SRGAP3: variants seen among roughly 807,000 people sequenced by gnomAD.
SRGAP3 encodes SLIT-ROBO Rho GTPase-activating protein 3.
Under a neutral mutation model 121.1 loss-of-function variants are expected in SRGAP3, and 39 were observed. The ratio of observed to expected loss-of-function variants is 0.32; its 90% confidence interval spans 0.25 to 0.42. SRGAP3 has a LOEUF of 0.42. Among genes scored for constraint, SRGAP3 ranks in the 10% least tolerant of loss-of-function variants. SRGAP3 has a pLI of 1.00. For missense variants in SRGAP3, 1,213 were observed against 1,470.6 expected (o/e 0.82, Z 2.86); for synonymous variants, 601 against 570.0 (o/e 1.05, Z -0.77).
intron 1 of SRGAP3, among the ~76,000 whole-genome samples, chr3:9,226,243 C>A (rs1952985788): frequency 6.6e-6 from 1 of 152,240 alleles, no homozygotes; most frequent in Non-Finnish European, 1.5e-5. Flanking sequence ...TGAGCCTCTT[C>A]AGGGAGTCCT....
intron 9 of SRGAP3, among the ~76,000 whole-genome samples, chr3:9,051,934 A>C (rs1479659576): frequency 6.6e-6 from 1 of 152,094 alleles, no homozygotes; most frequent in African/African-American, 2.4e-5. Context: ...GCTGGTCTAG[A>C]ACTCCTGAGC....
chr3:8,985,836 G>C lies in SRGAP3; in HGVS notation c.2983C>G (p.Leu995Val), dbSNP rs1266072781. Residue 995 changes from leucine (L) to valine (V), a missense_variant, in exon 22 of 22, where the codon CTG (leucine) becomes GTG (valine). By Grantham distance (32) the Leu-to-Val change is conservative. Transcript: ENST00000383836. The surrounding 1 kb of genome is among the most constrained non-coding windows in gnomAD (Gnocchi z 5.1). ...KQAPDVVLDT[L>V]EPLKNPPGPV... ...CCTGGCGGGTTCTTCAGGGGCTCCA[G>C]GGTGTCCAGCACCACATCTGGCGCC... is the stretch of plus-strand genomic sequence containing the variant. 6.2e-7 allele frequency: 1 copy of C among 1,600,380 alleles called. No individual in the cohort carries two copies. Among genetic ancestry groups the C allele is most frequent in the Non-Finnish European group, 8.5e-7 (1 of 1,179,936 alleles).
intron 1 of SRGAP3, among the ~76,000 whole-genome samples, chr3:9,166,685 C>G (rs1950798415): frequency 6.6e-6 from 1 of 152,166 alleles, no homozygotes; most frequent in African/African-American, 2.4e-5. Context: ...TTTGGGGTGT[C>G]TCTATTCTAA....
chr3:8,992,513 C>T (rs11928795), intron 20 of SRGAP3: 4,235 of 376,094 alleles, frequency 0.011, 126 homozygotes, highest in African/African-American at 0.071. Context: ...TTATGTAGCG[C>T]GTTTCAGGGA....
chr3:9,314,734 T>C (rs748893193), intron 3 of SRGAP3, among the ~76,000 whole-genome samples: 5 of 151,596 alleles, frequency 3.3e-5, no homozygotes, highest in South Asian at 2.1e-4. Context: ...AGTCCTGCTC[T>C]CAGCTCTCAG....
chr3:9,263,469 T>G (rs1954293292), intron 3 of SRGAP3, among the ~76,000 whole-genome samples: 1 of 151,926 alleles, frequency 6.6e-6, no homozygotes, highest in African/African-American at 2.4e-5. Context: ...ATAGATAGAC[T>G]GCTAGCCAGG....
At chr3:9,358,734 G>A (rs949701312) in intron 1 of SRGAP3, among the ~76,000 whole-genome samples, 37 of 152,266 alleles carry the variant, frequency 2.4e-4, no homozygotes, top group African/African-American at 8.9e-4. Flanking sequence ...CCCTCTTTGG[G>A]TTCAATTGAT....
chr3:9,283,695 A>T (rs181648650), intron 3 of SRGAP3, among the ~76,000 whole-genome samples: 192 of 152,098 alleles, frequency 1.3e-3, no homozygotes, highest in African/African-American at 2.9e-3. Flanking sequence ...TAATTTTTTT[A>T]AAAAAAAGAA....
chr3:9,348,973 G>A (rs2125293682), intron 1 of SRGAP3: 1 of 924,230 alleles, frequency 1.1e-6, no homozygotes, highest in Non-Finnish European at 1.8e-6. Context: ...AGGAGGGGAA[G>A]CAGGTACTAA....
intron 1 of SRGAP3, among the ~76,000 whole-genome samples, chr3:9,175,594 T>G (rs1951149211): frequency 1.3e-5 from 2 of 152,224 alleles, no homozygotes; most frequent in African/African-American, 4.8e-5. Flanking sequence ...AAGCTGGGAC[T>G]CTGGGTACCC....
At chr3:9,025,235 G>A (rs775449064) in intron 14 of SRGAP3, 26 bp downstream of exon 14, 2 of 1,613,176 alleles carry the variant, frequency 1.2e-6, no homozygotes, top group East Asian at 2.2e-5. Flanking sequence ...CTGGCCACAA[G>A]CCTAAGATGG....
chr3:9,177,511 C>A (rs1443048241), intron 1 of SRGAP3, among the ~76,000 whole-genome samples: 1 of 152,032 alleles, frequency 6.6e-6, no homozygotes, highest in African/African-American at 2.4e-5. Flanking sequence ...CGGAGTCTGA[C>A]CCATGTGCCT....
chr3:9,343,030 T>G (rs2600197), intron 1 of SRGAP3, among the ~76,000 whole-genome samples: 1 of 152,106 alleles, frequency 6.6e-6, no homozygotes, highest in South Asian at 2.1e-4. Context: ...CCTTGTCCCC[T>G]GGCATCCCCT....
At chr3:9,079,668 G>A (rs1947147298) in intron 4 of SRGAP3, among the ~76,000 whole-genome samples, 1 of 152,204 alleles carries the variant, frequency 6.6e-6, no homozygotes, top group Non-Finnish European at 1.5e-5. Context: ...TGGAGCCTGT[G>A]CTGCCTCACT....
At chr3:8,995,057 T>G (rs758696694) in intron 18 of SRGAP3, among the ~76,000 whole-genome samples, 1 of 152,178 alleles carries the variant, frequency 6.6e-6, no homozygotes, top group East Asian at 1.9e-4. Context: ...CAAATCTATA[T>G]GTTGAAGCCC....
chr3:9,107,416 G>A (rs1014176736), intron 2 of SRGAP3, among the ~76,000 whole-genome samples: 8 of 152,256 alleles, frequency 5.3e-5, no homozygotes, highest in East Asian at 1.9e-4. Context: ...CCTCCAGTGT[G>A]TTCTGGGTAC....
rs905168834 is a variant in SRGAP3, at chr3:9,038,461, T to C, written c.1409-371A>G. On this transcript the variant is annotated intron_variant, in intron 10 of 21. Transcript: ENST00000383836. ...TGAGATAAAAACCCAGAAATCTGCA[T>C]TTTAACTACCACCCCTGGTGATCAC... is the stretch of plus-strand genomic sequence containing the variant. 2.0e-4 allele frequency among the ~76,000 whole-genome samples: 30 copies of C among 152,250 alleles called. 1 individual carries two copies. The highest frequency in any genetic ancestry group is 6.3e-4 in the African/African-American group (26 of 41,456).
intron 1 of SRGAP3, among the ~76,000 whole-genome samples, chr3:9,222,991 C>A (rs1028544929): frequency 6.6e-6 from 1 of 152,212 alleles, no homozygotes; most frequent in Non-Finnish European, 1.5e-5. Flanking sequence ...CAAGACATTG[C>A]CACTATGCCA....
At chr3:9,158,989 T>C (rs564510832) in intron 1 of SRGAP3, among the ~76,000 whole-genome samples, 180 of 152,340 alleles carry the variant, frequency 1.2e-3, no homozygotes, top group African/African-American at 4.1e-3. Context: ...CCCTAGTCTC[T>C]GCGCTGCTCA....
Sources: allele counts gnomAD v4.1 joint callset (sites outside exome capture counted in the v4.1 genomes callset), GRCh38; gene constraint gnomAD v4.1.1; non-coding constraint Gnocchi (gnomAD v3.1); transcripts MANE v1.5; gene names NCBI Gene and HGNC (gene_info 2026-07-23, HGNC 2026-07-21).